Variants in DPH6 observed in about 807,000 individuals in gnomAD.
DPH6 encodes the protein diphthine--ammonia ligase.
In DPH6, 33 loss-of-function variants were observed where a neutral mutation model predicts 38.2. The observed-to-expected ratio is 0.86, with a 90% CI of 0.65 to 1.15. The LOEUF (loss-of-function observed/expected upper bound fraction) is 1.15, where lower values mean the gene tolerates loss of function less well. DPH6 is among the 50% of genes most tolerant of loss of function. DPH6 has a pLI of 0.00. For synonymous variants in DPH6, 108 were observed against 103.0 expected, an observed-to-expected ratio of 1.05 and a Z score of -0.30; for missense variants, 325 against 320.0, an observed-to-expected ratio of 1.02 and a Z score of -0.12.
chr15:35,389,763 A>G (rs1431213947), intron 6 of DPH6, among the ~76,000 whole-genome samples: 2 of 152,120 alleles, frequency 1.3e-5, no homozygotes, highest in Non-Finnish European at 2.9e-5. Context: ...TTTCCTGAAT[A>G]CAGCACACTG....
the DPH6 span, among the ~76,000 whole-genome samples, chr15:35,183,392 T>A: frequency 6.6e-6 from 1 of 152,324 alleles, no homozygotes. Context: ...CTGCTTCAAG[T>A]ATAATACTAA....
chr15:35,423,371 T>C (rs186879703), intron 5 of DPH6, among the ~76,000 whole-genome samples: 15 of 151,962 alleles, frequency 9.9e-5, no homozygotes, highest in African/African-American at 3.1e-4. Flanking sequence ...TCAAGTCCTT[T>C]GCCCTTTTTA....
At chr15:35,184,555 AG>A in the DPH6 span, among the ~76,000 whole-genome samples, 1 of 152,088 alleles carries the variant, frequency 6.6e-6, no homozygotes, top group Non-Finnish European at 1.5e-5. Context: ...AAAAAAAAAA[AG>A]TTGGCCTATA....
Position 35,469,072 on chromosome 15 carries a change from A to AAACAACAACAACAACAAC in DPH6, c.313-14270_313-14253dup, listed in dbSNP as rs10649323. 2.2e-3 allele frequency among the ~76,000 whole-genome samples: 323 copies of AAACAACAACAACAACAAC among 149,156 alleles called. 5 individuals are homozygous for AAACAACAACAACAACAAC. Among genetic ancestry groups the AAACAACAACAACAACAAC allele is most frequent in the African/African-American group, 7.4e-3 (300 of 40,396 alleles). On this transcript the variant is annotated intron_variant, in intron 3 of 8. Transcript: ENST00000256538. Reference sequence around the variant, plus strand: ...GCAACAAGAGCAAAACTCTGCTTCAAAACAACAACAACAACAACAACAACA... The same window carrying AAACAACAACAACAACAAC: ...GCAACAAGAGCAAAACTCTGCTTCAAAACAACAACAACAACAACAACAACAACAACAACAACAACAACA...
At chr15:35,146,157 A>G in the DPH6 span, among the ~76,000 whole-genome samples, 19 of 152,162 alleles carry the variant, frequency 1.2e-4, no homozygotes, top group South Asian at 3.1e-3. Context: ...TACTCATTGA[A>G]TATATATTAC....
At chr15:35,317,590 C>CAAAAAAAAAAAAGAAAAAAAAA (rs61113463) in intron 3 of DPH6, among the ~76,000 whole-genome samples, 1 of 73,768 alleles carries the variant, frequency 1.4e-5, no homozygotes, top group African/African-American at 4.3e-5. Context: ...TTCTGCTGGA[C>CAAAAAAAAAAAAGAAAAAAAAA]AAAAAAAAAA....
At chr15:35,451,549 T>A (rs1463275320) in intron 4 of DPH6, among the ~76,000 whole-genome samples, 1 of 152,174 alleles carries the variant, frequency 6.6e-6, no homozygotes, top group Non-Finnish European at 1.5e-5. Context: ...GCATTCCACA[T>A]CCAATCTACC....
chr15:35,207,170 C>T, the DPH6 span, among the ~76,000 whole-genome samples: 1 of 150,126 alleles, frequency 6.7e-6, no homozygotes, highest in Non-Finnish European at 1.5e-5. Context: ...CCTCAGCCTC[C>T]TAAGTAGAAG....
intron 3 of DPH6, among the ~76,000 whole-genome samples, chr15:35,294,145 C>A (rs1339898248): frequency 2.0e-5 from 3 of 152,140 alleles, no homozygotes; most frequent in Non-Finnish European, 4.4e-5. Flanking sequence ...TTCCCTGCTT[C>A]GAAAATGCTG....
At chr15:35,342,138 C>T (rs991018182) in intron 3 of DPH6, among the ~76,000 whole-genome samples, 1 of 152,112 alleles carries the variant, frequency 6.6e-6, no homozygotes, top group Non-Finnish European at 1.5e-5. Context: ...CTGCTTGGCT[C>T]CCTGGGTTCA....
chr15:35,515,989 A>G (rs1297691818), intron 3 of DPH6, among the ~76,000 whole-genome samples: 2 of 152,174 alleles, frequency 1.3e-5, no homozygotes, highest in Non-Finnish European at 2.9e-5. Flanking sequence ...TGGTCACTCA[A>G]AAGACCCTTT....
chr15:35,364,681 C>A (rs1393700857), intron 3 of DPH6, among the ~76,000 whole-genome samples: 1 of 151,986 alleles, frequency 6.6e-6, no homozygotes, highest in Admixed American at 6.6e-5. Context: ...CTGTTTTTAA[C>A]CCACTTTGTT....
intron 3 of DPH6, among the ~76,000 whole-genome samples, chr15:35,356,697 T>C (rs1024923274): frequency 9.2e-5 from 14 of 152,274 alleles, no homozygotes; most frequent in African/African-American, 3.4e-4. Flanking sequence ...GCCCCTACTG[T>C]GAGGTGCCTC....
chr15:35,226,573 G>A (rs1003864331), intron 3 of DPH6, among the ~76,000 whole-genome samples: 8 of 151,998 alleles, frequency 5.3e-5, no homozygotes, highest in African/African-American at 1.9e-4. Context: ...AAGAAACCTG[G>A]GATACATTTA....
At chr15:35,501,565 A>G (rs149965960) in intron 3 of DPH6, among the ~76,000 whole-genome samples, 1,674 of 152,236 alleles carry the variant, frequency 0.011, 18 homozygotes, top group Non-Finnish European at 0.017. Context: ...TTTAGGAGTC[A>G]TTGAGTTTAT....
chr15:35,245,982 C>T (rs1474735938), intron 3 of DPH6, among the ~76,000 whole-genome samples: 3 of 152,140 alleles, frequency 2.0e-5, no homozygotes, highest in African/African-American at 2.4e-5. Context: ...ATGGCCGGTT[C>T]CTGCCTTAAC....
At chr15:35,312,954 G>A (rs1291192205) in intron 3 of DPH6, among the ~76,000 whole-genome samples, 1 of 152,160 alleles carries the variant, frequency 6.6e-6, no homozygotes, top group Non-Finnish European at 1.5e-5. Context: ...CAGGCTGGGC[G>A]CAATGGCTCA....
At chr15:35,230,148 T>C (rs970513325) in intron 3 of DPH6, among the ~76,000 whole-genome samples, 2 of 152,188 alleles carry the variant, frequency 1.3e-5, no homozygotes, top group African/African-American at 4.8e-5. Flanking sequence ...AGAGGCGTCA[T>C]CTGGGAGCCA....
intron 3 of DPH6, among the ~76,000 whole-genome samples, chr15:35,247,623 A>G (rs973621062): frequency 2.0e-5 from 3 of 152,210 alleles, no homozygotes; most frequent in Admixed American, 6.5e-5. Flanking sequence ...AGGAGGGGAA[A>G]CACTTCAATG....
Sources: gnomAD v4.1 joint callset for allele counts (sites outside exome capture counted in the v4.1 genomes callset) on GRCh38, gnomAD v4.1.1 for gene constraint, MANE v1.5 for transcripts, NCBI Gene and HGNC (gene_info 2026-07-23, HGNC 2026-07-21) for gene names.